The following CHST12 variants were observed in gnomAD, a reference collection of about 807,000 sequenced individuals.
The protein encoded by CHST12 is carbohydrate sulfotransferase 12, also known as carbohydrate (chondroitin 4) sulfotransferase 12.
Under a neutral mutation model 27.9 loss-of-function variants are expected in CHST12, and 23 were observed. That is an observed-to-expected ratio of 0.82 (90% CI 0.59 to 1.17). The LOEUF is 1.17. CHST12 is among the 50% of genes most tolerant of loss of function. The pLI is 0.00. For missense variants in CHST12, 682 were observed against 603.0 expected (o/e 1.13, Z -1.37); for synonymous variants, 322 against 273.0 (o/e 1.18, Z -1.77).
rs1263752095 is a variant in CHST12 at position 2,432,926 on chromosome 7, G to A, written c.287G>A (p.Ser96Asn). 1 of 1,612,882 alleles carries A rather than the reference G, an allele frequency of 6.2e-7. No homozygotes were observed. The highest frequency in any genetic ancestry group is 1.1e-5 in the South Asian group (1 of 91,080). ...ACGGAGCAGCCGCCTGCGCCGGGGAGCATGGAGGAGAGCGTGAGAGGCTAC... is the reference window on the plus strand; with the variant it reads ...ACGGAGCAGCCGCCTGCGCCGGGGAACATGGAGGAGAGCGTGAGAGGCTAC... ...KETEQPPAPG[S>N]MEESVRGYDW... is the part of the protein sequence containing the mutation. Residue 96 changes from serine to asparagine, a missense_variant, in exon 2 of 2, where the codon AGC becomes AAC. Transcript: ENST00000618655.
chr7:2,406,158 G>A (rs1224693375), intron 1 of CHST12, among the ~76,000 whole-genome samples: 5 of 151,984 alleles, frequency 3.3e-5, no homozygotes. Flanking sequence ...CTTTCTTTTC[G>A]GAGAGTAGCT....
Position 2,446,483 on chromosome 7 carries a change from CTG to C in CHST12, c.*12602_*12603del, listed in dbSNP as rs956033763. The stretch of plus-strand genomic sequence containing the variant: ...CAACAAGGCGGTGCCTGAACTATGT[CTG>C]TGGATGACGGAGCCACGACCTGTCC... On this transcript the variant is annotated 3_prime_UTR_variant, in exon 2 of 2. Transcript: ENST00000618655. 8.2e-6 allele frequency: 1 copy of C among 121,266 alleles called. No homozygotes were observed. The highest frequency in any genetic ancestry group is 2.2e-4 in the East Asian group (1 of 4,634). 7.5% of individuals were successfully genotyped at this position (121,266 alleles called of 1,614,324 possible).
chr7:2,429,943 C>T (rs563034321), intron 1 of CHST12, among the ~76,000 whole-genome samples: 43 of 152,004 alleles, frequency 2.8e-4, no homozygotes, highest in Admixed American at 2.0e-3. Flanking sequence ...CCACCATGCA[C>T]GGCAGATTTT....
At chr7:2,428,829 A>G (rs547364040) in intron 1 of CHST12, among the ~76,000 whole-genome samples, 1 of 152,344 alleles carries the variant, frequency 6.6e-6, no homozygotes, top group Admixed American at 6.5e-5. Context: ...GTTACAAACA[A>G]TCCATAGAAA....
At chr7:2,414,652 C>G (rs1230850881) in intron 1 of CHST12, among the ~76,000 whole-genome samples, 1 of 152,198 alleles carries the variant, frequency 6.6e-6, no homozygotes, top group Non-Finnish European at 1.5e-5. Context: ...CAATTTACCA[C>G]ATTTTTCTCT....
At chr7:2,418,804 T>C (rs937209312) in intron 1 of CHST12, among the ~76,000 whole-genome samples, 27 of 152,086 alleles carry the variant, frequency 1.8e-4, no homozygotes, top group Non-Finnish European at 3.7e-4. Context: ...GTTGTTGTTG[T>C]TTTGTTTTTT....
chr7:2,428,909 G>C (rs1331641147), intron 1 of CHST12, among the ~76,000 whole-genome samples: 1 of 152,252 alleles, frequency 6.6e-6, no homozygotes, highest in Admixed American at 6.5e-5. Flanking sequence ...ACCCTAAAGA[G>C]GCCTAGAAGA....
intron 1 of CHST12, among the ~76,000 whole-genome samples, chr7:2,421,227 C>CTT (rs60332594): frequency 2.1e-3 from 189 of 91,970 alleles, no homozygotes; most frequent in African/African-American, 7.0e-3. Flanking sequence ...CCTGCTAATT[C>CTT]TTTTTTTTTT....
intron 1 of CHST12, among the ~76,000 whole-genome samples, chr7:2,408,231 A>G (rs1176106584): frequency 6.6e-6 from 1 of 151,004 alleles, no homozygotes; most frequent in African/African-American, 2.4e-5. Context: ...GTATGGTGGC[A>G]GGTGCCTGTA....
chr7:2,440,494 A>T lies in CHST12; in HGVS notation c.*6610A>T, dbSNP rs545459468. On this transcript the variant is annotated 3_prime_UTR_variant, in exon 2 of 2. Coordinates refer to ENST00000618655, the MANE Select transcript of CHST12 (RefSeq NM_018641.5). Reference sequence around the variant, plus strand: ...GTTTGACCTGAACTCTGAAAGGCAGAGGGTCCCAGACTTTCCTGGGATGAT... The same window carrying T: ...GTTTGACCTGAACTCTGAAAGGCAGTGGGTCCCAGACTTTCCTGGGATGAT... 3.1e-4 allele frequency: 48 copies of T among 152,582 alleles called. No homozygotes were observed. Among genetic ancestry groups the T allele is most frequent in the African/African-American group, 1.1e-3 (47 of 41,572 alleles). The allele number at this position is 152,582 out of a possible 1,614,324, so 9.5% of individuals were successfully genotyped here. A position where few individuals can be genotyped will look rare whatever the true frequency, so the allele number is the denominator to read the frequency against.
At chr7:2,428,190 T>A (rs1182064128) in intron 1 of CHST12, among the ~76,000 whole-genome samples, 1 of 146,824 alleles carries the variant, frequency 6.8e-6, no homozygotes, top group Non-Finnish European at 1.5e-5. Context: ...TGTAGCTTTC[T>A]CTCTCTCTTT....
At chr7:2,429,818 TA>T (rs1485893745) in intron 1 of CHST12, among the ~76,000 whole-genome samples, 1 of 152,172 alleles carries the variant, frequency 6.6e-6, no homozygotes, top group Non-Finnish European at 1.5e-5. Flanking sequence ...TTGGTCTTGC[TA>T]AGACCAAGGC....
At chr7:2,407,028 T>A (rs1781544008) in intron 1 of CHST12, among the ~76,000 whole-genome samples, 1 of 148,458 alleles carries the variant, frequency 6.7e-6, no homozygotes. Flanking sequence ...AAAAGAGAAC[T>A]CTCGGATGTA....
intron 1 of CHST12, among the ~76,000 whole-genome samples, chr7:2,428,595 T>G (rs1229762297): frequency 6.6e-6 from 1 of 152,086 alleles, no homozygotes; most frequent in African/African-American, 2.4e-5. Context: ...GGTAGGTTAG[T>G]GAGGGATTTA....
Position 2,447,092 on chromosome 7 carries a change from C to A in CHST12, c.*13208C>A, listed in dbSNP as rs1233583265. On this transcript the variant is annotated 3_prime_UTR_variant, in exon 2 of 2. Coordinates refer to ENST00000618655, the MANE Select transcript of CHST12 (RefSeq NM_018641.5). Reference sequence around the variant, plus strand: ...GCTGCAGAGCAGAGGAGAGTGGCCCCCAGGGACCAGCAGCACGAAAGGCAC... The same window carrying A: ...GCTGCAGAGCAGAGGAGAGTGGCCCACAGGGACCAGCAGCACGAAAGGCAC... The A allele has an allele frequency of 6.6e-6, 1 of 152,410 alleles. No individual in the cohort carries two copies. The highest frequency in any genetic ancestry group is 1.5e-5 in the Non-Finnish European group (1 of 68,218). 9.4% of individuals were successfully genotyped at this position (152,410 alleles called of 1,614,324 possible). A position where few individuals can be genotyped will look rare whatever the true frequency, so the allele number is the denominator to read the frequency against.
chr7:2,442,921 G>GT lies in CHST12; in HGVS notation c.*9037_*9038insT, dbSNP rs1782654009. Reference sequence around the variant, plus strand: ...ATGCCTGATGATCTGAAGTGGAACAGGTTTTTGTTTTTTTTTTCCAGACAG... The same window carrying GT: ...ATGCCTGATGATCTGAAGTGGAACAGTGTTTTTGTTTTTTTTTTCCAGACAG... On this transcript the variant is annotated 3_prime_UTR_variant, in exon 2 of 2. Coordinates refer to ENST00000618655, the MANE Select transcript of CHST12 (RefSeq NM_018641.5). 1 of 152,116 alleles carries GT rather than the reference G, an allele frequency of 6.6e-6. No homozygotes were observed. The highest frequency in any genetic ancestry group is 1.5e-5 in the Non-Finnish European group (1 of 68,058). The allele number at this position is 152,116 out of a possible 1,614,324, so 9.4% of individuals were successfully genotyped here.
At chr7:2,408,362 CAAAAAAAAAAAAA>C (rs56330622) in intron 1 of CHST12, among the ~76,000 whole-genome samples, 73,336 of 117,414 alleles carry the variant, frequency 0.62, 20,657 homozygotes, top group Middle Eastern at 0.69. Context: ...GACTCCGTCT[CAAAAAAAAAAAAA>C]AAAAAAAAAA....
At chr7:2,430,269 T>G (rs972906545) in intron 1 of CHST12, among the ~76,000 whole-genome samples, 2 of 152,108 alleles carry the variant, frequency 1.3e-5, no homozygotes, top group Non-Finnish European at 2.9e-5. Context: ...CTAGTTTTAT[T>G]CCTTTATATA....
chr7:2,432,728 G>T lies in CHST12; in HGVS notation c.89G>T (p.Gly30Val), dbSNP rs1165003979. 5.6e-6 allele frequency: 9 copies of T among 1,613,954 alleles called. No individual in the cohort carries two copies. The highest frequency in any genetic ancestry group is 6.8e-6 in the Non-Finnish European group (8 of 1,179,898). The change falls in exon 2 of 2, where the codon GGC (glycine) becomes GTC (valine). Residue 30 changes from glycine to valine, a missense_variant. Physicochemically the swap from Gly to Val is moderately radical, Grantham distance 109. Coordinates refer to ENST00000618655, the MANE Select transcript of CHST12 (RefSeq NM_018641.5). ...LLIIVYWDSA[G>V]AAHFYLHTSF... ...ATCATCGTGTACTGGGACAGCGCAG[G>T]CGCCGCGCACTTCTACTTGCACACG...
Sources: gnomAD v4.1 joint callset for allele counts (sites outside exome capture counted in the v4.1 genomes callset) on GRCh38, gnomAD v4.1.1 for gene constraint, MANE v1.5 for transcripts, NCBI Gene and HGNC (gene_info 2026-07-23, HGNC 2026-07-21) for gene names.